The following POU2F1 variants were observed in gnomAD, a reference collection of about 807,000 sequenced individuals.
The protein encoded by POU2F1 is POU class 2 homeobox 1.
Under a neutral mutation model 84.9 loss-of-function variants are expected in POU2F1, and 16 were observed. That is an observed-to-expected ratio of 0.19 (90% confidence interval 0.13 to 0.29). The LOEUF is 0.29. POU2F1 is among the 10% of genes least tolerant of loss of function. The pLI, the probability that POU2F1 is intolerant of heterozygous loss-of-function variation, is 1.00. For missense variants in POU2F1, 738 were observed against 942.6 expected (o/e 0.78, Z 2.84); for synonymous variants, 368 against 368.3 (o/e 1.00, Z 0.01).
chr1:167,269,862 C>T (rs1026721786), intron 1 of POU2F1, among the ~76,000 whole-genome samples: 3 of 148,304 alleles, frequency 2.0e-5, no homozygotes, highest in South Asian at 2.1e-4. Context: ...TGCAGTGAGC[C>T]GAGATCCCGC....
At chr1:167,313,140 C>T (rs373379786) in intron 1 of POU2F1, among the ~76,000 whole-genome samples, 35 of 152,260 alleles carry the variant, frequency 2.3e-4, no homozygotes, top group Admixed American at 1.3e-3. Context: ...ACAGGAAGTG[C>T]GTGCTGAGAA....
chr1:167,286,819 G>A (rs747997085), intron 1 of POU2F1, among the ~76,000 whole-genome samples: 9 of 152,166 alleles, frequency 5.9e-5, no homozygotes, highest in Non-Finnish European at 1.3e-4. Flanking sequence ...CAATATAATG[G>A]ATTAGATAAC....
rs372096568 is a variant in POU2F1 at position 167,254,564 on chromosome 1, T to C, written c.61+33606T>C. Among the ~76,000 whole-genome samples the C allele has an allele frequency of 1.7e-4, 26 of 152,366 alleles. No individual in the cohort carries two copies. In the East Asian group the frequency reaches 4.4e-3, roughly 26 times the overall value. ...ATGTTCATGCAAAAGGCAGTATTAA[T>C]TTTACTCATTGTTAACAATCAGCAA... On this transcript the variant is annotated intron_variant, in intron 1 of 15. Coordinates refer to ENST00000367866, the MANE Select transcript of POU2F1 (RefSeq NM_002697.4).
chr1:167,403,716 A>T (rs146311562), intron 13 of POU2F1, among the ~76,000 whole-genome samples: 2 of 152,098 alleles, frequency 1.3e-5, no homozygotes, highest in Non-Finnish European at 2.9e-5. Context: ...TGGGATTTCT[A>T]TGATTGCTTA....
At chr1:167,279,679 C>T (rs1267861610) in intron 1 of POU2F1, among the ~76,000 whole-genome samples, 1 of 151,988 alleles carries the variant, frequency 6.6e-6, no homozygotes, top group South Asian at 2.1e-4. Flanking sequence ...GATTGCACCA[C>T]TGCACTCCAG....
chr1:167,398,178 G>A (rs756137901), intron 11 of POU2F1, 45 bp downstream of exon 11: 2 of 1,594,720 alleles, frequency 1.3e-6, no homozygotes, highest in Admixed American at 1.8e-5. Flanking sequence ...TGTCTGTGTA[G>A]TACTTAACAT....
chr1:167,426,729 G>A lies in POU2F1; in HGVS notation c.*10919G>A, dbSNP rs912332362. 1 of 152,168 alleles carries A rather than the reference G, an allele frequency of 6.6e-6. No homozygotes were observed. Among genetic ancestry groups the A allele is most frequent in the African/African-American group, 2.4e-5 (1 of 41,436 alleles). The allele number at this position is 152,168 out of a possible 1,614,324, so 9.4% of individuals were successfully genotyped here. ...TTTTGTTTTATGTACTTTAAAATGTGAGTTTGAGTTCTTCTTTGTGGAAAC... is the reference window on the plus strand; with the variant it reads ...TTTTGTTTTATGTACTTTAAAATGTAAGTTTGAGTTCTTCTTTGTGGAAAC... On this transcript the variant is annotated 3_prime_UTR_variant, in exon 16 of 16. Coordinates refer to ENST00000367866, the MANE Select transcript of POU2F1 (RefSeq NM_002697.4).
In POU2F1 at chr1:167,253,388, C is replaced by G. The variant is rs1031980516; in HGVS notation, c.61+32430C>G. Among the ~76,000 whole-genome samples the G allele has an allele frequency of 9.2e-4, 130 of 141,584 alleles. 3 individuals carry two copies. Among genetic ancestry groups the G allele is most frequent in the Non-Finnish European group, 1.5e-3 (100 of 66,936 alleles). The allele number at this position is 141,584 out of a possible 152,430, so 92.9% of individuals were successfully genotyped here. On this transcript the variant is annotated intron_variant, in intron 1 of 15. Coordinates refer to ENST00000367866, the MANE Select transcript of POU2F1 (RefSeq NM_002697.4). ...TCTTTATTTTTCTGCCCCCCCCCCC[C>G]CAAACACACAGGAGAGTGGAACTTG... is the stretch of plus-strand genomic sequence containing the variant.
rs1256243426 is a variant in POU2F1 at position 167,220,947 on chromosome 1, C to A, written c.50C>A (p.Ala17Glu). 3 of 1,534,114 alleles carry A rather than the reference C, an allele frequency of 2.0e-6. No homozygotes were observed. The highest frequency in any genetic ancestry group is 2.6e-6 in the Non-Finnish European group (3 of 1,145,826). The change falls in exon 1 of 16, where the codon GCA (alanine) becomes GAA (glutamate). Residue 17 changes from alanine (A) to glutamate (E), a missense_variant. Coordinates refer to ENST00000367866, the MANE Select transcript of POU2F1 (RefSeq NM_002697.4). ...CAAGATGAGAGTTCAGCCGCGGCGG[C>A]AGCAGCAGCAGGTAATCATTACAGC... ...ASQDESSAAAAAAADSRMNNP... is the reference protein window; with the variant it reads ...ASQDESSAAAEAAADSRMNNP...
intron 1 of POU2F1, among the ~76,000 whole-genome samples, chr1:167,272,416 A>G (rs1652439161): frequency 6.6e-6 from 1 of 151,204 alleles, no homozygotes; most frequent in Admixed American, 6.6e-5. Context: ...CCATATTCAG[A>G]ACTGTATTAG....
intron 1 of POU2F1, among the ~76,000 whole-genome samples, chr1:167,299,695 G>GTTTGTTTTTTTT (rs1553204504): frequency 7.2e-6 from 1 of 139,346 alleles, no homozygotes; most frequent in African/African-American, 2.8e-5. Context: ...GGAGACCAGA[G>GTTTGTTTTTTTT]TTTTTTTTTT....
chr1:167,294,644 C>CAAGT (rs1557874340), intron 1 of POU2F1, among the ~76,000 whole-genome samples: 1 of 152,074 alleles, frequency 6.6e-6, no homozygotes. Flanking sequence ...ATAAGATATA[C>CAAGT]AAGTGGTCGA....
chr1:167,370,938 G>A (rs1284389525), intron 4 of POU2F1, among the ~76,000 whole-genome samples: 2 of 152,128 alleles, frequency 1.3e-5, no homozygotes, highest in Non-Finnish European at 2.9e-5. Flanking sequence ...CAACCTGCTG[G>A]TTCCTTTCAT....
intron 13 of POU2F1, among the ~76,000 whole-genome samples, chr1:167,407,157 G>T (rs568137256): frequency 6.6e-6 from 1 of 151,838 alleles, no homozygotes; most frequent in East Asian, 1.9e-4. Context: ...CAGCCTCCCC[G>T]GTAGCTGGGA....
At chr1:167,264,897 A>G (rs923410285) in intron 1 of POU2F1, among the ~76,000 whole-genome samples, 2 of 152,024 alleles carry the variant, frequency 1.3e-5, no homozygotes, top group African/African-American at 4.8e-5. Context: ...ACATGCTCCC[A>G]CCTCAGGGCC....
intron 2 of POU2F1, among the ~76,000 whole-genome samples, chr1:167,361,830 T>A (rs77895313): frequency 3.5e-4 from 53 of 152,316 alleles, no homozygotes; most frequent in Non-Finnish European, 6.6e-4. Flanking sequence ...TTTTCATTAC[T>A]GATTTCGTTT....
At chr1:167,253,166 G>A (rs1650853086) in intron 1 of POU2F1, among the ~76,000 whole-genome samples, 1 of 152,192 alleles carries the variant, frequency 6.6e-6, no homozygotes, top group South Asian at 2.1e-4. Context: ...TTTCACTTAA[G>A]AGGGCAAAAG....
chr1:167,236,007 C>T (rs184325144), intron 1 of POU2F1, among the ~76,000 whole-genome samples: 10 of 152,270 alleles, frequency 6.6e-5, no homozygotes, highest in East Asian at 3.9e-4. Flanking sequence ...TTAATAGTGT[C>T]AGTTTCTCCT....
chr1:167,308,678 A>G (rs1173036713), intron 1 of POU2F1, among the ~76,000 whole-genome samples: 4 of 152,064 alleles, frequency 2.6e-5, no homozygotes, highest in African/African-American at 4.8e-5. Context: ...GGTGCATGCC[A>G]CAACACCTGG....
Sources: gnomAD v4.1 joint callset for allele counts (sites outside exome capture counted in the v4.1 genomes callset) on GRCh38, gnomAD v4.1.1 for gene constraint, MANE v1.5 for transcripts, NCBI Gene and HGNC (gene_info 2026-07-23, HGNC 2026-07-21) for gene names.